Variants in SPTBN2 observed in about 807,000 individuals in gnomAD.
SPTBN2 encodes the protein spectrin beta, non-erythrocytic 2.
SPTBN2 carries 107 observed loss-of-function variants against 284.2 expected under a neutral mutation model. The ratio of observed to expected loss-of-function variants is 0.38; its 90% confidence interval spans 0.32 to 0.44. The LOEUF is 0.44. Ranked by LOEUF, SPTBN2 falls within the 20% of genes least tolerant of loss-of-function variation. The pLI is 1.00. For missense variants in SPTBN2, 2,569 were observed against 3,287.1 expected (o/e 0.78, Z 5.34); for synonymous variants, 1,289 against 1,354.8 (o/e 0.95, Z 1.07).
intron 1 of SPTBN2, among the ~76,000 whole-genome samples, chr11:66,725,276 C>T (rs1435665235): frequency 6.6e-6 from 1 of 152,178 alleles, no homozygotes; most frequent in African/African-American, 2.4e-5. Flanking sequence ...CAGCATGTGG[C>T]TCTGAGGCTC....
chr11:66,710,566 C>A lies in SPTBN2; in HGVS notation c.1073+16G>T, dbSNP rs751652661. 1 of 1,611,896 alleles carries A rather than the reference C, an allele frequency of 6.2e-7. No homozygotes were observed. The highest frequency in any genetic ancestry group is 1.7e-5 in the Admixed American group (1 of 59,760). ...GAGCACAGCTCAGGGAAGGGTGGGG[C>A]CCCAGGGACACCTACTTGGGCGGCT... On this transcript the variant is annotated intron_variant, in intron 10 of 37. Coordinates refer to ENST00000533211, the MANE Select transcript of SPTBN2 (RefSeq NM_006946.4). The surrounding 1 kb of genome is among the most constrained non-coding windows in gnomAD (Gnocchi z 4.9).
Position 66,691,744 on chromosome 11 carries a change from C to T in SPTBN2, c.5191-86G>A. On this transcript the variant is annotated intron_variant, in intron 26 of 37. Transcript: ENST00000533211. The surrounding 1 kb of genome is among the most constrained non-coding windows in gnomAD (Gnocchi z 8.0). ...GATGGAGCGAGTCCTCCACTCCAAA[C>T]TCAGAACCCACCTCTCCCCGCTGCA... 4 of 1,592,158 alleles carry T rather than the reference C, an allele frequency of 2.5e-6. No homozygotes were observed. The highest frequency in any genetic ancestry group is 1.7e-5 in the Admixed American group (1 of 59,372).
chr11:66,693,128 A>G lies in SPTBN2; in HGVS notation c.4855-28T>C, dbSNP rs1940676096. On this transcript the variant is annotated intron_variant, in intron 24 of 37. Coordinates refer to ENST00000533211, the MANE Select transcript of SPTBN2 (RefSeq NM_006946.4). The surrounding 1 kb of genome is among the most constrained non-coding windows in gnomAD (Gnocchi z 5.7). Reference sequence around the variant, plus strand: ...GGGGGAAGGGACAGTGGCATCCAGCATCAGGTCAGGGGAGGGCAGAACTGG... The same window carrying G: ...GGGGGAAGGGACAGTGGCATCCAGCGTCAGGTCAGGGGAGGGCAGAACTGG... 3 of 1,614,102 alleles carry G rather than the reference A, an allele frequency of 1.9e-6. No homozygotes were observed. The Admixed American group carries it at 5.0e-5, about 27-fold the overall frequency.
chr11:66,687,208 C>T lies in SPTBN2; in HGVS notation c.6723-41G>A. 3 of 1,610,784 alleles carry T rather than the reference C, an allele frequency of 1.9e-6. No individual in the cohort carries two copies. The highest frequency in any genetic ancestry group is 1.1e-5 in the South Asian group (1 of 90,944). ...TGCTGACTGGCCGGCCTCAGTGGCG[C>T]CCGCAACCTGGAGCCCTCTTGGGTG... is the stretch of plus-strand genomic sequence containing the variant. On this transcript the variant is annotated intron_variant, in intron 35 of 37. Transcript: ENST00000533211. This position sits in a 1 kb window ranked among gnomAD's most constrained non-coding sequence, Gnocchi z 5.2.
Position 66,701,090 on chromosome 11 carries a change from G to A in SPTBN2, c.3009C>T (p.Gly1003=), listed in dbSNP as rs1419173934. 6.2e-7 allele frequency: 1 copy of A among 1,612,442 alleles called. No individual in the cohort carries two copies. Among genetic ancestry groups the A allele is most frequent in the Non-Finnish European group, 8.5e-7 (1 of 1,180,030 alleles). Residue 1003 remains glycine, a synonymous_variant, in exon 17 of 38, where the codon GGC becomes GGT. Coordinates refer to ENST00000533211, the MANE Select transcript of SPTBN2 (RefSeq NM_006946.4). ...GVLALQRKLA[G]TERDLEAIAA... ...CGATGGCCTCCAGGTCCCGCTCCGT[G>A]CCGGCCAGCTTGCGCTGCAGGGCCA... is the stretch of plus-strand genomic sequence containing the variant.
chr11:66,739,379 T>C (rs1415571457), intron 1 of SPTBN2, among the ~76,000 whole-genome samples: 1 of 152,244 alleles, frequency 6.6e-6, no homozygotes, highest in African/African-American at 2.4e-5. Flanking sequence ...CTCAATTCTT[T>C]TCCCATTTTA....
In SPTBN2 at chr11:66,714,361, G is replaced by T; in HGVS notation, c.530C>A (p.Ser177Ter). The change falls in exon 6 of 38, where the codon TCA becomes TAA. Residue 177 changes from serine to a stop codon, truncating the protein, a stop_gained. Transcript: ENST00000533211. LOFTEE classifies it high-confidence loss of function. ...CCACAGAAGCAGGGCATCCTTGGCT[G>T]ACTTCTTCTCCTTGTTGTCTTCTGT... is the stretch of plus-strand genomic sequence containing the variant. ...VETEDNKEKK[S>*]AKDALLLWCQ... The T allele has an allele frequency of 6.2e-7, 1 of 1,613,968 alleles. No individual in the cohort carries two copies. Among genetic ancestry groups the T allele is most frequent in the South Asian group, 1.1e-5 (1 of 91,032 alleles).
chr11:66,740,388 C>G (rs572760805), intron 1 of SPTBN2, among the ~76,000 whole-genome samples: 1 of 152,194 alleles, frequency 6.6e-6, no homozygotes, highest in Non-Finnish European at 1.5e-5. Flanking sequence ...AAGAATTGCA[C>G]AAAAGTCAGC....
Position 66,716,033 on chromosome 11 carries a change from T to C in SPTBN2, c.158-52A>G, listed in dbSNP as rs749886373. 12 of 1,612,488 alleles carry C rather than the reference T, an allele frequency of 7.4e-6. No homozygotes were observed. In the East Asian group the frequency reaches 2.7e-4, roughly 36 times the overall value. ...TGTCCCTCGAGTTCAGTATGCCTGC[T>C]TCTAAACACCAGTTGGCAGGGGTGG... On this transcript the variant is annotated intron_variant, in intron 3 of 37. Coordinates refer to ENST00000533211, the MANE Select transcript of SPTBN2 (RefSeq NM_006946.4).
At chr11:66,713,989 C>G in intron 7 of SPTBN2, 102 bp downstream of exon 7, 1 of 1,260,528 alleles carries the variant, frequency 7.9e-7, no homozygotes, top group Non-Finnish European at 1.2e-6. Context: ...TTCCTTCCGT[C>G]TGACTGCTGT....
chr11:66,689,800 C>T lies in SPTBN2; in HGVS notation c.5949+5G>A, dbSNP rs1940408973. 1 of 1,613,260 alleles carries T rather than the reference C, an allele frequency of 6.2e-7. No homozygotes were observed. Reference sequence around the variant, plus strand: ...GAATGGCCCGGCCACCCAGGCCTCACCCACCTCCTCGGCCGCATAGTGGCT... The same window carrying T: ...GAATGGCCCGGCCACCCAGGCCTCATCCACCTCCTCGGCCGCATAGTGGCT... On this transcript the variant is annotated splice_donor_5th_base_variant and intron_variant, in intron 29 of 37. Transcript: ENST00000533211.
intron 21 of SPTBN2, 149 bp from the exon 22 acceptor site, chr11:66,694,512 T>A: frequency 1.2e-6 from 1 of 805,090 alleles, no homozygotes; most frequent in Non-Finnish European, 1.9e-6. Flanking sequence ...GCTGGATCAG[T>A]GGATCTCGAA....
At chr11:66,689,265 T>G (rs1162265876) in intron 29 of SPTBN2, 85 bp from the exon 30 acceptor site, 5 of 1,394,526 alleles carry the variant, frequency 3.6e-6, no homozygotes, top group East Asian at 5.0e-5. Flanking sequence ...GGGGGACAGG[T>G]GATTTCTTTC....
rs780989119 is a variant in SPTBN2 at position 66,699,449 on chromosome 11, G to A, written c.3733C>T (p.His1245Tyr). The A allele has an allele frequency of 6.2e-7, 1 of 1,614,122 alleles. No homozygotes were observed. The highest frequency in any genetic ancestry group is 8.5e-7 in the Non-Finnish European group (1 of 1,180,024). The part of the protein sequence containing the change: ...GRQLVSEGNI[H>Y]ADKIREKADS... ...GCCTTTTCCCGAATCTTGTCGGCGT[G>A]GATGTTGCCTTCAGATACCAGCTGG... The change falls in exon 18 of 38, where the codon CAC becomes TAC. Residue 1245 changes from histidine (H) to tyrosine (Y), a missense_variant. By Grantham distance (83) the His-to-Tyr change is moderately conservative (BLOSUM62 2). This residue lies in a region of SPTBN2 where 1,012 missense variants were observed against 1,248.9 expected (regional missense o/e 0.81). Transcript: ENST00000533211.
chr11:66,691,392 G>A lies in SPTBN2; in HGVS notation c.5457C>T (p.His1819=), dbSNP rs1377308126. ...GARQALARVQ[H]KQQQLPDGTG... ...TCCCGTCCGGAAGCTGCTGCTGCTTGTGCTGCACCCGCGCCAGGGCTTGGC... is the reference window on the plus strand; with the variant it reads ...TCCCGTCCGGAAGCTGCTGCTGCTTATGCTGCACCCGCGCCAGGGCTTGGC... Residue 1819 remains histidine (H), a synonymous_variant, in exon 27 of 38, where the codon CAC becomes CAT. Coordinates refer to ENST00000533211, the MANE Select transcript of SPTBN2 (RefSeq NM_006946.4). The surrounding 1 kb of genome is among the most constrained non-coding windows in gnomAD (Gnocchi z 8.0). The A allele has an allele frequency of 1.2e-6, 2 of 1,607,766 alleles. No individual in the cohort carries two copies. Among genetic ancestry groups the A allele is most frequent in the Non-Finnish European group, 1.7e-6 (2 of 1,175,850 alleles).
In SPTBN2 at chr11:66,691,445, C is replaced by T. The variant is rs149317715; in HGVS notation, c.5404G>A (p.Glu1802Lys). Residue 1802 changes from glutamate (E) to lysine (K), a missense_variant, in exon 27 of 38, where the codon GAG (glutamate) becomes AAG (lysine). Around this residue, in one of 6 missense-constraint regions of SPTBN2, gnomAD observed 1,130 missense variants for 1,317.3 expected, o/e 0.86. Transcript: ENST00000533211. This position sits in a 1 kb window ranked among gnomAD's most constrained non-coding sequence, Gnocchi z 8.0. ...GCCCCGTGCAGGAAGCGCTGCAGCT[C>T]GTACGCCGCGGCCAGCACCTGACCC... Reference protein sequence around the residue: ...TRGQVLAAAYELQRFLHGARQ... With the variant: ...TRGQVLAAAYKLQRFLHGARQ... The T allele has an allele frequency of 6.9e-5, 112 of 1,611,874 alleles. No individual in the cohort carries two copies. The highest frequency in any genetic ancestry group is 1.6e-4 in the Middle Eastern group (1 of 6,062).
In SPTBN2 at chr11:66,708,295, C is replaced by A. The variant is rs781135731; in HGVS notation, c.1196G>T (p.Trp399Leu). The change falls in exon 12 of 38, where the codon TGG becomes TTG. Residue 399 changes from tryptophan to leucine, a missense_variant. This residue lies in a region of SPTBN2 where 304 missense variants were observed against 522.1 expected (regional missense o/e 0.58). Coordinates refer to ENST00000533211, the MANE Select transcript of SPTBN2 (RefSeq NM_006946.4). The surrounding 1 kb of genome is among the most constrained non-coding windows in gnomAD (Gnocchi z 4.4). The part of the protein sequence containing the change: ...GRLISDINKA[W>L]ERLEKAEHER... Reference sequence around the variant, plus strand: ...GTGCTCCGCCTTCTCCAGCCGCTCCCAAGCCTATGGGGTGGGGACAGGGTT... The same window carrying A: ...GTGCTCCGCCTTCTCCAGCCGCTCCAAAGCCTATGGGGTGGGGACAGGGTT... 6.3e-7 allele frequency: 1 copy of A among 1,591,962 alleles called. No homozygotes were observed. The highest frequency in any genetic ancestry group is 8.6e-7 in the Non-Finnish European group (1 of 1,165,866).
chr11:66,705,515 G>A (rs374179367), intron 14 of SPTBN2, 47 bp from the exon 15 acceptor site: 5 of 1,611,072 alleles, frequency 3.1e-6, no homozygotes, highest in Non-Finnish European at 4.2e-6. Flanking sequence ...CAGCCCTCCG[G>A]CTGCTCCCTG....
chr11:66,708,150 G>C lies in SPTBN2; in HGVS notation c.1341C>G (p.Leu447=), dbSNP rs377231549. Residue 447 remains leucine (L), a synonymous_variant, in exon 12 of 38, where the codon CTC becomes CTG. Coordinates refer to ENST00000533211, the MANE Select transcript of SPTBN2 (RefSeq NM_006946.4). This position sits in a 1 kb window ranked among gnomAD's most constrained non-coding sequence, Gnocchi z 4.4. ...RETWLSENQR[L]VSQDNFGLEL... Reference sequence around the variant, plus strand: ...GAGCCTCAAGTCCTACCTGGGACACGAGGCGCTGGTTCTCGCTGAGCCAGG... The same window carrying C: ...GAGCCTCAAGTCCTACCTGGGACACCAGGCGCTGGTTCTCGCTGAGCCAGG... 2.5e-5 allele frequency: 41 copies of C among 1,613,080 alleles called. No individual in the cohort carries two copies. Among genetic ancestry groups the C allele is most frequent in the Non-Finnish European group, 3.2e-5 (38 of 1,179,940 alleles).
Sources: allele counts gnomAD v4.1 joint callset (sites outside exome capture counted in the v4.1 genomes callset), GRCh38; gene constraint gnomAD v4.1.1; regional missense constraint gnomAD v4.1.1; non-coding constraint Gnocchi (gnomAD v3.1); transcripts MANE v1.5; gene names NCBI Gene and HGNC (gene_info 2026-07-23, HGNC 2026-07-21).